The following PRPS1 variants were observed in gnomAD, a reference collection of about 807,000 sequenced individuals.
The protein encoded by PRPS1 is ribose-phosphate pyrophosphokinase 1.
Under a neutral mutation model 16.9 loss-of-function variants are expected in PRPS1, and 1 was observed. The ratio of observed to expected loss-of-function variants is 0.06; its 90% CI spans 0.02 to 0.28. The LOEUF (loss-of-function observed/expected upper bound fraction) is 0.28, where lower values mean the gene tolerates loss of function less well. Among genes scored for constraint, PRPS1 ranks in the 10% least tolerant of loss-of-function variants. PRPS1 has a pLI of 1.00. For missense variants in PRPS1, 47 were observed against 254.0 expected, an observed-to-expected ratio of 0.19 and a Z score of 5.54; for synonymous variants, 70 against 90.2, an observed-to-expected ratio of 0.78 and a Z score of 1.27.
chrX:107,638,723 ATATTTTATTT>A (rs749021712), intron 1 of PRPS1, among the ~76,000 whole-genome samples: 3 of 108,620 alleles, frequency 2.8e-5, no homozygotes, highest in East Asian at 5.8e-4. Flanking sequence ...GCCCTCCCAT[ATATTTTATTT>A]TATTTTATTT....
rs182983731 is a variant in PRPS1 at position 107,640,871 on chromosome X, G to C, written c.307-31G>C. ...AATTGTTTTTCAAATTGGCTTTTTG[G>C]TTTTTCTTTTCTTTCCTCCCCTCCA... On this transcript the variant is annotated intron_variant, in intron 2 of 6. Transcript: ENST00000372435. 3.2e-5 allele frequency: 39 copies of C among 1,204,931 alleles called. No individual in the cohort carries two copies. The East Asian group carries it at 1.2e-3, about 36-fold the overall frequency.
chrX:107,648,709 A>AT (rs764913865), intron 6 of PRPS1, among the ~76,000 whole-genome samples: 1 of 107,529 alleles, frequency 9.3e-6, no homozygotes, highest in African/African-American at 3.4e-5. Context: ...ATTCTTAAGG[A>AT]TTTTTTTTCA....
At chrX:107,629,724 C>A (rs951939968) in intron 1 of PRPS1, among the ~76,000 whole-genome samples, 16 of 111,781 alleles carry the variant, frequency 1.4e-4, no homozygotes, top group Non-Finnish European at 2.8e-4. Context: ...CGACTTACAC[C>A]CTCTACCGGC....
In PRPS1 at chrX:107,650,549, TG is replaced by T. The variant is rs1329841317; in HGVS notation, c.*523del. On this transcript the variant is annotated 3_prime_UTR_variant, in exon 7 of 7. Coordinates refer to ENST00000372435, the MANE Select transcript of PRPS1 (RefSeq NM_002764.4). ...CAGCTCAGCTTGAGCAGACATTGGG[TG>T]GGGGGTGGGGGGTGGTTGAGGGGGG... The T allele has an allele frequency of 2.4e-4, 7 of 29,555 alleles. No homozygotes were observed. Among genetic ancestry groups the T allele is most frequent in the East Asian group, 1.2e-3 (2 of 1,663 alleles). 2.4% of individuals were successfully genotyped at this position (29,555 alleles called of 1,213,427 possible).
chrX:107,647,499 A>G (rs1283855578), intron 5 of PRPS1, 107 bp from the exon 6 acceptor site: 1 of 865,775 alleles, frequency 1.2e-6, no homozygotes, highest in Non-Finnish European at 1.6e-6. Context: ...ATTTTTTTTC[A>G]TATGATATTT....
intron 1 of PRPS1, among the ~76,000 whole-genome samples, chrX:107,636,184 T>G (rs1341398903): frequency 1.8e-5 from 2 of 110,954 alleles, no homozygotes; most frequent in Non-Finnish European, 3.8e-5. Flanking sequence ...GTGCAGCGGC[T>G]TCATCTCCCC....
In PRPS1 at chrX:107,650,211, G is replaced by C. The variant is rs1245404560; in HGVS notation, c.*179G>C. 1.2e-6 allele frequency: 1 copy of C among 858,487 alleles called. No individual in the cohort carries two copies. Among genetic ancestry groups the C allele is most frequent in the African/African-American group, 2.0e-5 (1 of 49,847 alleles). 70.7% of individuals were successfully genotyped at this position (858,487 alleles called of 1,213,427 possible). ...AAGACGGATTGAGATTAACTGCTGGGACCTCCTACCTGCATTATCTCATTC... is the reference window on the plus strand; with the variant it reads ...AAGACGGATTGAGATTAACTGCTGGCACCTCCTACCTGCATTATCTCATTC... On this transcript the variant is annotated 3_prime_UTR_variant, in exon 7 of 7. Coordinates refer to ENST00000372435, the MANE Select transcript of PRPS1 (RefSeq NM_002764.4).
intron 2 of PRPS1, 77 bp from the exon 3 acceptor site, chrX:107,640,821 CAATA>C: frequency 2.8e-6 from 3 of 1,081,705 alleles, no homozygotes; most frequent in South Asian, 1.8e-5. Flanking sequence ...AGTAGGTACA[CAATA>C]AATAGTTTCT....
chrX:107,634,988 C>T (rs1016840775), intron 1 of PRPS1, among the ~76,000 whole-genome samples: 3 of 109,666 alleles, frequency 2.7e-5, no homozygotes, highest in Non-Finnish European at 5.7e-5. Flanking sequence ...TACAGGCGCC[C>T]GCCACCACAC....
chrX:107,649,645 CG>C (rs1294705085), intron 6 of PRPS1, among the ~76,000 whole-genome samples: 6 of 110,739 alleles, frequency 5.4e-5, no homozygotes, highest in Middle Eastern at 4.3e-3. Flanking sequence ...TTAGTAGAGA[CG>C]GGGTTTCATC....
At position 107,642,393 on chromosome X, in the gene PRPS1, T is replaced by C. The variant is rs768454424; in HGVS notation, c.433T>C (p.Leu145=). The C allele has an allele frequency of 2.5e-6, 3 of 1,211,767 alleles. No homozygotes were observed. The East Asian group carries it at 8.9e-5, about 36-fold the overall frequency. ...CTTTTTTGATATCCCAGTAGACAAT[T>C]TGTATGCAGAGCCGGCTGTCCTAAA... ...QGFFDIPVDN[L]YAEPAVLKWI... Residue 145 remains leucine (L), a synonymous_variant, in exon 4 of 7, where the codon TTG becomes CTG. Transcript: ENST00000372435.
Position 107,644,154 on chromosome X carries a change from TCCTA to T in PRPS1, c.531-1019_531-1016del, listed in dbSNP as rs766235025. Reference sequence around the variant, plus strand: ...TGTCAAAAGACAAATTTGTCTTCTATCCTACCTTCTAGTCTGGTTTATTTTCTCT... The same window carrying T: ...TGTCAAAAGACAAATTTGTCTTCTATCCTTCTAGTCTGGTTTATTTTCTCT... On this transcript the variant is annotated intron_variant, in intron 4 of 6. Transcript: ENST00000372435. 1.3e-3 allele frequency among the ~76,000 whole-genome samples: 147 copies of T among 112,529 alleles called. 1 individual carries two copies. The highest frequency in any genetic ancestry group is 4.3e-3 in the African/African-American group (134 of 31,020).
intron 1 of PRPS1, among the ~76,000 whole-genome samples, chrX:107,637,929 AAT>A (rs796383314): frequency 4.0e-4 from 40 of 101,012 alleles, no homozygotes; most frequent in East Asian, 1.5e-3. Flanking sequence ...GTGTAATATA[AAT>A]ATATATATAT....
rs377602345 is a variant in PRPS1, at chrX:107,645,240, G to A, written c.594G>A (p.Lys198=). ...CCTTGATTCACAAAGAACGGAAGAA[G>A]GCCAATGAAGTGGACCGCATGGTGC... ...DFALIHKERK[K]ANEVDRMVLV... The change falls in exon 5 of 7, where the codon AAG becomes AAA. Residue 198 remains lysine (K), a synonymous_variant. Transcript: ENST00000372435. The A allele has an allele frequency of 4.1e-6, 5 of 1,212,310 alleles. No homozygotes were observed. Among genetic ancestry groups the A allele is most frequent in the Non-Finnish European group, 5.6e-6 (5 of 895,659 alleles).
intron 1 of PRPS1, among the ~76,000 whole-genome samples, chrX:107,632,167 GTTCC>G (rs1439465914): frequency 6.2e-5 from 7 of 112,069 alleles, no homozygotes; most frequent in African/African-American, 2.3e-4. Context: ...GGGTATTATT[GTTCC>G]TTTAAATTTT....
At position 107,650,467 on chromosome X, in the gene PRPS1, C is replaced by T. The variant is rs777180568; in HGVS notation, c.*435C>T. ...GTCTATGCTAAATTATAGCAAGAGCCCTGGGCAACCCCAAACCTAGTCCTG... is the reference window on the plus strand; with the variant it reads ...GTCTATGCTAAATTATAGCAAGAGCTCTGGGCAACCCCAAACCTAGTCCTG... On this transcript the variant is annotated 3_prime_UTR_variant, in exon 7 of 7. Transcript: ENST00000372435. 2.5e-5 allele frequency: 8 copies of T among 315,101 alleles called. No individual in the cohort carries two copies. The highest frequency in any genetic ancestry group is 1.7e-4 in the Admixed American group (3 of 17,503). The allele number at this position is 315,101 out of a possible 1,213,427, so 26.0% of individuals were successfully genotyped here. A position where few individuals can be genotyped will look rare whatever the true frequency, so the allele number is the denominator to read the frequency against.
chrX:107,646,967 G>A (rs1456528696), intron 5 of PRPS1, among the ~76,000 whole-genome samples: 5 of 112,595 alleles, frequency 4.4e-5, no homozygotes, highest in Non-Finnish European at 7.5e-5. Context: ...TTTGTTAAGT[G>A]CAACAGTCTA....
rs747741622 is a variant in PRPS1 at position 107,631,249 on chromosome X, A to G, written c.122+2499A>G. 4.5e-5 allele frequency among the ~76,000 whole-genome samples: 5 copies of G among 111,441 alleles called. No individual in the cohort carries two copies. In the East Asian group the frequency reaches 1.1e-3, roughly 25 times the overall value. ...TATTTTTTAGAGATGAGGTCTCACT[A>G]TGTTGCCCAGGCTGGAGTCCAATAG... On this transcript the variant is annotated intron_variant, in intron 1 of 6. Coordinates refer to ENST00000372435, the MANE Select transcript of PRPS1 (RefSeq NM_002764.4).
At chrX:107,647,800 T>G (rs1925735925) in intron 6 of PRPS1, 35 bp downstream of exon 6, 1 of 1,199,341 alleles carries the variant, frequency 8.3e-7, no homozygotes. Flanking sequence ...AAGACTTTTC[T>G]AAGTGTTTAG....
Sources: allele counts gnomAD v4.1 joint callset (sites outside exome capture counted in the v4.1 genomes callset), GRCh38; gene constraint gnomAD v4.1.1; transcripts MANE v1.5; gene names NCBI Gene and HGNC (gene_info 2026-07-23, HGNC 2026-07-21).